SP110: variants seen among roughly 807,000 people sequenced by gnomAD.
SP110 encodes the protein interferon-induced protein 41, 30kD.
A neutral mutation model predicts 92.7 loss-of-function variants in SP110; 62 were observed. The observed-to-expected ratio is 0.67, with a 90% CI of 0.55 to 0.83. The LOEUF (loss-of-function observed/expected upper bound fraction) is 0.83, where lower values mean the gene tolerates loss of function less well. Among genes scored for constraint, SP110 ranks in the 40% least tolerant of loss-of-function variants. The probability of loss-of-function intolerance (pLI) is 0.00; values close to 1 mark genes in which losing one functional copy is unlikely to be tolerated. For missense variants in SP110, 793 were observed against 863.9 expected, an observed-to-expected ratio of 0.92 and a Z score of 1.03; for synonymous variants, 273 against 305.3, an observed-to-expected ratio of 0.89 and a Z score of 1.10.
chr2:230,186,503 TTTTAA>T (rs1308591607), intron 10 of SP110, among the ~76,000 whole-genome samples: 1 of 152,234 alleles, frequency 6.6e-6, no homozygotes, highest in Non-Finnish European at 1.5e-5. Context: ...GTATTTTTCT[TTTTAA>T]TTTGTTTTTA....
chr2:230,200,700 G>A (rs2043090368), intron 10 of SP110, 185 bp downstream of exon 10: 5 of 628,190 alleles, frequency 8.0e-6, no homozygotes, highest in Non-Finnish European at 1.1e-5. Flanking sequence ...TACATAAAAT[G>A]GACATATATT....
At chr2:230,204,254 C>G (rs576808774) in intron 8 of SP110, among the ~76,000 whole-genome samples, 34 of 152,312 alleles carry the variant, frequency 2.2e-4, no homozygotes, top group African/African-American at 7.5e-4. Context: ...GGTTTCCCCT[C>G]TCTAACAAAG....
chr2:230,186,005 G>A lies in SP110; in HGVS notation c.1268C>T (p.Ser423Phe), dbSNP rs556856317. 4 of 1,613,986 alleles carry A rather than the reference G, an allele frequency of 2.5e-6. No individual in the cohort carries two copies. In the East Asian group the frequency reaches 8.9e-5, roughly 36 times the overall value. Residue 423 changes from serine to phenylalanine, a missense_variant, in exon 11 of 19, where the codon TCC becomes TTC. Transcript: ENST00000258381. ...ATCATTAGCCTTACCTTTCAATCTG[G>A]ACTTTCGGGCACATTTAGTTCTTGC... ...QKARTKCARK[S>F]RLKEKKKEKD...
At chr2:230,181,433 T>G (rs58203458) in intron 12 of SP110, among the ~76,000 whole-genome samples, 4,434 of 152,206 alleles carry the variant, frequency 0.029, 216 homozygotes, top group African/African-American at 0.1. Flanking sequence ...TCATCACAGT[T>G]AAGATAAGTG....
intron 8 of SP110, among the ~76,000 whole-genome samples, chr2:230,206,475 G>A (rs2043813649): frequency 6.6e-6 from 1 of 151,178 alleles, no homozygotes; most frequent in Non-Finnish European, 1.5e-5. Context: ...ATTACTTAGA[G>A]CAGGGCTAGG....
chr2:230,217,366 C>T (rs2045331809), intron 1 of SP110, among the ~76,000 whole-genome samples: 1 of 151,908 alleles, frequency 6.6e-6, no homozygotes. Flanking sequence ...TAGTAGCCTG[C>T]AAAGCAATGT....
intron 18 of SP110, among the ~76,000 whole-genome samples, chr2:230,170,123 C>T (rs2078395394): frequency 6.6e-6 from 1 of 152,156 alleles, no homozygotes; most frequent in South Asian, 2.1e-4. Context: ...AGCTGTCCCT[C>T]CCTAGTAAAG....
rs1189164065 is a variant in SP110 at position 230,168,039 on chromosome 2, G to A, written c.*1085C>T. On this transcript the variant is annotated 3_prime_UTR_variant, in exon 19 of 19. Transcript: ENST00000258381. ...CAGGAGAATCGCTTGCACCCAGGAG[G>A]AGGAGGTTGCAGTGAGTCAAGATGA... is the stretch of plus-strand genomic sequence containing the variant. The A allele has an allele frequency of 1.3e-5, 2 of 148,638 alleles. No homozygotes were observed. Among genetic ancestry groups the A allele is most frequent in the African/African-American group, 5.0e-5 (2 of 40,190 alleles). 9.2% of individuals were successfully genotyped at this position (148,638 alleles called of 1,614,324 possible). A position where few individuals can be genotyped will look rare whatever the true frequency, so the allele number is the denominator to read the frequency against.
upstream of SP110, among the ~76,000 whole-genome samples, chr2:230,221,312 CTT>C (rs995843381): frequency 4.7e-5 from 7 of 150,226 alleles, no homozygotes; most frequent in African/African-American, 1.7e-4. Context: ...TTCTATGTAA[CTT>C]TGATTAAATC....
chr2:230,173,727 C>T (rs2041720559), intron 14 of SP110: 1 of 152,118 alleles, frequency 6.6e-6, no homozygotes, highest in African/African-American at 2.4e-5. Context: ...TGAATTACTA[C>T]AACCTGAATC....
chr2:230,203,504 G>C (rs1008684010), intron 8 of SP110: 1 of 152,292 alleles, frequency 6.6e-6, no homozygotes, highest in Non-Finnish European at 1.5e-5. Flanking sequence ...GGGCGGAAGC[G>C]AAAGCCCGGT....
intron 8 of SP110, chr2:230,203,649 G>A (rs974080288): frequency 6.6e-6 from 1 of 152,202 alleles, no homozygotes; most frequent in Non-Finnish European, 1.5e-5. Context: ...ATAACTAAAG[G>A]AGGGTTTCGG....
At chr2:230,204,974 A>T (rs185370165) in intron 8 of SP110, among the ~76,000 whole-genome samples, 1 of 152,306 alleles carries the variant, frequency 6.6e-6, no homozygotes, top group Admixed American at 6.5e-5. Context: ...GTGGAAAGAG[A>T]TATATTAATA....
intron 15 of SP110, 172 bp from the exon 16 acceptor site, chr2:230,172,346 C>T (rs1428202948): frequency 3.0e-6 from 2 of 669,588 alleles, no homozygotes; most frequent in Admixed American, 2.2e-5. Context: ...CCTTCCCTCG[C>T]ATCAGTGGTA....
intron 10 of SP110, among the ~76,000 whole-genome samples, chr2:230,188,101 G>A (rs990489683): frequency 6.6e-6 from 1 of 152,050 alleles, no homozygotes; most frequent in Non-Finnish European, 1.5e-5. Context: ...TTTTCATATT[G>A]ATTCTTCCAA....
At chr2:230,222,572 A>T (rs143443509), upstream of SP110, among the ~76,000 whole-genome samples, 73 of 152,074 alleles carry the variant, frequency 4.8e-4, no homozygotes, top group African/African-American at 1.7e-3. Context: ...ACATTTTTTT[A>T]AATTAATTGG....
At chr2:230,212,133 T>C (rs748862396) in intron 5 of SP110, among the ~76,000 whole-genome samples, 3 of 152,136 alleles carry the variant, frequency 2.0e-5, no homozygotes, top group Non-Finnish European at 4.4e-5. Flanking sequence ...CTAGTGTGAG[T>C]GTTACGCAGG....
intron 8 of SP110, among the ~76,000 whole-genome samples, chr2:230,206,595 T>TTATATATATATATATATATATATA (rs56817002): frequency 1.8e-4 from 13 of 70,526 alleles, no homozygotes; most frequent in East Asian, 1.6e-3. Flanking sequence ...GGTCCAGATT[T>TTATATATATATATATATATATATA]TATATATATA....
At chr2:230,222,826 TCG>T (rs1448700756), upstream of SP110, among the ~76,000 whole-genome samples, 3 of 150,766 alleles carry the variant, frequency 2.0e-5, no homozygotes, top group African/African-American at 7.3e-5. Context: ...CAGATTAGTT[TCG>T]TGTGTATTAA....
Sources: allele counts gnomAD v4.1 joint callset (sites outside exome capture counted in the v4.1 genomes callset), GRCh38; gene constraint gnomAD v4.1.1; transcripts MANE v1.5; gene names NCBI Gene and HGNC (gene_info 2026-07-23, HGNC 2026-07-21).